IKBKB-DT: variants seen among roughly 807,000 people sequenced by gnomAD.
IKBKB-DT encodes the protein IKBKB divergent transcript, also known as IKBKB antisense RNA.
At chr8:42,241,190 T>TCCCAACAGTTGATGC (rs1806996636) in intron 3 of IKBKB-DT, among the ~76,000 whole-genome samples, 1 of 146,900 alleles carries the variant, frequency 6.8e-6, no homozygotes, top group Non-Finnish European at 1.5e-5. Flanking sequence ...ACTGGTTTAT[T>TCCCAACAGTTGATGC]CCCAACAGTT....
At chr8:42,254,438 T>C (rs1486959818) in intron 3 of IKBKB-DT, among the ~76,000 whole-genome samples, 4 of 150,226 alleles carry the variant, frequency 2.7e-5, no homozygotes, top group Admixed American at 6.6e-5. Flanking sequence ...GTCTGGGAAG[T>C]GAGGATCACC....
At chr8:42,260,147 T>C (rs1189511509) in intron 3 of IKBKB-DT, among the ~76,000 whole-genome samples, 1 of 152,006 alleles carries the variant, frequency 6.6e-6, no homozygotes, top group East Asian at 1.9e-4. Flanking sequence ...TAAAGTCCCA[T>C]ATTATCCTCA....
chr8:42,252,885 C>G (rs1688860274), intron 3 of IKBKB-DT, among the ~76,000 whole-genome samples: 1 of 152,224 alleles, frequency 6.6e-6, no homozygotes, highest in Non-Finnish European at 1.5e-5. Flanking sequence ...CAATCTGACT[C>G]TAGCATAACA....
chr8:42,255,741 T>C (rs1045785529), intron 3 of IKBKB-DT, among the ~76,000 whole-genome samples: 1 of 152,164 alleles, frequency 6.6e-6, no homozygotes, highest in African/African-American at 2.4e-5. Flanking sequence ...AATAACTATA[T>C]AGTGCCAAGC....
At chr8:42,266,725 C>T (rs940727786) in intron 1 of IKBKB-DT, among the ~76,000 whole-genome samples, 2 of 152,068 alleles carry the variant, frequency 1.3e-5, no homozygotes, top group Non-Finnish European at 2.9e-5. Flanking sequence ...GTAAAGAAGC[C>T]GGCTCTAACC....
At chr8:42,268,470 T>C (rs1210616218) in intron 1 of IKBKB-DT, among the ~76,000 whole-genome samples, 1 of 151,778 alleles carries the variant, frequency 6.6e-6, no homozygotes, top group African/African-American at 2.4e-5. Flanking sequence ...GGGGTTTCAC[T>C]ATGTTGGCCA....
chr8:42,238,399 C>G (rs1806951668), intron 3 of IKBKB-DT, among the ~76,000 whole-genome samples: 1 of 152,162 alleles, frequency 6.6e-6, no homozygotes, highest in African/African-American at 2.4e-5. Flanking sequence ...AACTTTGAAG[C>G]AAGGATGATA....
At chr8:42,236,426 G>T (rs942508074) in intron 3 of IKBKB-DT, among the ~76,000 whole-genome samples, 6 of 152,100 alleles carry the variant, frequency 3.9e-5, no homozygotes, top group African/African-American at 1.4e-4. Context: ...ATTTTGATTT[G>T]GGAAAGTTGT....
chr8:42,260,668 C>CAAAAAAAAAAAAAAAAAAAAAAAAAA (rs771731696), intron 3 of IKBKB-DT, among the ~76,000 whole-genome samples: 1 of 44,932 alleles, frequency 2.2e-5, no homozygotes, highest in South Asian at 8.0e-4. Flanking sequence ...GACTCTGTCT[C>CAAAAAAAAAAAAAAAAAAAAAAAAAA]AAAAAAAAAA....
chr8:42,267,552 T>C (rs1807392428), intron 1 of IKBKB-DT, among the ~76,000 whole-genome samples: 2 of 152,004 alleles, frequency 1.3e-5, no homozygotes, highest in Non-Finnish European at 2.9e-5. Flanking sequence ...TGAGATCTCA[T>C]TCCATTGCTT....
intron 3 of IKBKB-DT, among the ~76,000 whole-genome samples, chr8:42,258,561 T>C (rs1336802105): frequency 6.6e-6 from 1 of 151,914 alleles, no homozygotes; most frequent in East Asian, 1.9e-4. Flanking sequence ...CTCCGCCTCC[T>C]GGATTCACGC....
intron 3 of IKBKB-DT, among the ~76,000 whole-genome samples, chr8:42,257,593 G>A (rs1469753120): frequency 6.6e-6 from 1 of 151,988 alleles, no homozygotes; most frequent in East Asian, 1.9e-4. Flanking sequence ...GTTAGCTCAA[G>A]GTCAAAAACA....
intron 3 of IKBKB-DT, among the ~76,000 whole-genome samples, chr8:42,260,774 GT>G (rs1287015684): frequency 6.6e-6 from 1 of 151,212 alleles, no homozygotes; most frequent in Non-Finnish European, 1.5e-5. Context: ...TATTTGAATA[GT>G]TTTTTTCCTT....
chr8:42,235,141 T>C (rs1238491679), intron 3 of IKBKB-DT, among the ~76,000 whole-genome samples: 3 of 130,752 alleles, frequency 2.3e-5, no homozygotes, highest in South Asian at 4.2e-4. Flanking sequence ...GATGTCAATT[T>C]TTTTTCTTTT....
rs35087510 is a variant in IKBKB-DT at position 42,238,024 on chromosome 8, C to CAAAAAAAAAA, written n.1530-4175_1530-4166dup. ...TGGGCAACAGAGCAAGGCCCTCTCT[C>CAAAAAAAAAA]AAAAAAAAAAAAAAAAAAAAAAAAA... On this transcript the variant is annotated intron_variant and non_coding_transcript_variant, in intron 3 of 3. Coordinates refer to ENST00000518213, the Ensembl canonical transcript of IKBKB-DT. Among the ~76,000 whole-genome samples, 7 of 35,252 alleles carry CAAAAAAAAAA rather than the reference C, an allele frequency of 2.0e-4. No individual in the cohort carries two copies. The South Asian group carries it at 4.8e-3, about 24-fold the overall frequency. 23.1% of individuals were successfully genotyped at this position (35,252 alleles called of 152,430 possible).
chr8:42,262,206 G>A (rs559606350), intron 3 of IKBKB-DT, among the ~76,000 whole-genome samples: 6 of 151,538 alleles, frequency 4.0e-5, no homozygotes, highest in Non-Finnish European at 7.4e-5. Flanking sequence ...TGGGTGCAGC[G>A]CACCAGCATG....
At chr8:42,270,096 A>G (rs1458291370) in intron 1 of IKBKB-DT, among the ~76,000 whole-genome samples, 1 of 152,182 alleles carries the variant, frequency 6.6e-6, no homozygotes, top group Non-Finnish European at 1.5e-5. Flanking sequence ...CTCCTTCTGA[A>G]CTTCTTAACA....
intron 3 of IKBKB-DT, among the ~76,000 whole-genome samples, chr8:42,259,636 C>G (rs1411707141): frequency 6.6e-6 from 1 of 152,092 alleles, no homozygotes; most frequent in South Asian, 2.1e-4. Context: ...AACTGCCTGA[C>G]AGGTTCTTCC....
intron 3 of IKBKB-DT, among the ~76,000 whole-genome samples, chr8:42,241,222 A>ATTTTTT (rs1563274607): frequency 1.2e-4 from 8 of 66,600 alleles, no homozygotes; most frequent in African/African-American, 3.4e-4. Context: ...ATATGTTGGA[A>ATTTTTT]TCTTTTTTTT....
Sources: allele counts gnomAD v4.1 joint callset (sites outside exome capture counted in the v4.1 genomes callset), GRCh38; gene constraint gnomAD v4.1.1; transcripts MANE v1.5; gene names NCBI Gene and HGNC (gene_info 2026-07-23, HGNC 2026-07-21).